The following KATNAL2 variants were observed in gnomAD, a reference collection of about 807,000 sequenced individuals.
KATNAL2 encodes the protein katanin p60 ATPase-containing subunit A-like 2.
KATNAL2 carries 52 observed loss-of-function variants against 76.3 expected under a neutral mutation model. The observed-to-expected ratio is 0.68, with a 90% confidence interval of 0.55 to 0.86. The LOEUF is 0.86. Among genes scored for constraint, KATNAL2 ranks in the 40% least tolerant of loss-of-function variants. The pLI is 0.00. For missense variants in KATNAL2, 660 were observed against 668.9 expected, an observed-to-expected ratio of 0.99 and a Z score of 0.15; for synonymous variants, 243 against 244.2, an observed-to-expected ratio of 1.00 and a Z score of 0.05.
intron 8 of KATNAL2, among the ~76,000 whole-genome samples, chr18:47,061,454 C>T (rs2061628565): frequency 6.6e-6 from 1 of 152,160 alleles, no homozygotes; most frequent in Non-Finnish European, 1.5e-5. Context: ...GGTGAGAGCA[C>T]CAAGCCTTTC....
In KATNAL2 at chr18:47,035,225, G is replaced by T; in HGVS notation, c.52-11232G>T. On this transcript the variant is annotated intron_variant, in intron 3 of 17. Coordinates refer to ENST00000683218, the MANE Select transcript of KATNAL2 (RefSeq NM_001387690.1). ...GTCTTAGTGGCCAGACGCACCTGCAGCTTCTCCACTGCGTGCAGCGTAGTG... is the reference window on the plus strand; with the variant it reads ...GTCTTAGTGGCCAGACGCACCTGCATCTTCTCCACTGCGTGCAGCGTAGTG... 1.9e-6 allele frequency: 3 copies of T among 1,612,786 alleles called. No individual in the cohort carries two copies. In the East Asian group the frequency reaches 6.7e-5, roughly 36 times the overall value.
At chr18:46,961,673 T>C (rs925771157) in intron 3 of KATNAL2, among the ~76,000 whole-genome samples, 5 of 152,232 alleles carry the variant, frequency 3.3e-5, no homozygotes, top group African/African-American at 1.2e-4. Flanking sequence ...CTGACCATAT[T>C]TTTGACCACC....
intron 1 of KATNAL2, among the ~76,000 whole-genome samples, chr18:46,937,816 T>C (rs778445792): frequency 3.3e-5 from 5 of 152,168 alleles, no homozygotes; most frequent in Non-Finnish European, 7.3e-5. Flanking sequence ...AAAAGAATAC[T>C]ATGTGGGCCA....
intron 5 of KATNAL2, 79 bp downstream of exon 5, chr18:47,053,125 G>A (rs1316113771): frequency 1.6e-6 from 2 of 1,230,898 alleles, no homozygotes; most frequent in Admixed American, 4.6e-5. Flanking sequence ...TTCCCAGATA[G>A]ATGGAGACCC....
chr18:47,072,600 C>A (rs1415058611), intron 13 of KATNAL2, among the ~76,000 whole-genome samples: 1 of 152,152 alleles, frequency 6.6e-6, no homozygotes, highest in African/African-American at 2.4e-5. Context: ...TGCACACCAC[C>A]AAGCCCAGCT....
At chr18:47,090,908 C>T (rs1240758635) in intron 15 of KATNAL2, among the ~76,000 whole-genome samples, 1 of 152,184 alleles carries the variant, frequency 6.6e-6, no homozygotes, top group Non-Finnish European at 1.5e-5. Context: ...TCCCTATTAT[C>T]AACCACAGAA....
chr18:46,952,449 G>T (rs563272702), intron 3 of KATNAL2, among the ~76,000 whole-genome samples: 13 of 142,690 alleles, frequency 9.1e-5, no homozygotes, highest in African/African-American at 2.9e-4. Flanking sequence ...ACCCAGGCTG[G>T]AGTGCAATGG....
chr18:47,102,084 C>T lies in KATNAL2; in HGVS notation c.*1079C>T, dbSNP rs751800646. 1 of 152,140 alleles carries T rather than the reference C, an allele frequency of 6.6e-6. No individual in the cohort carries two copies. Among genetic ancestry groups the T allele is most frequent in the Non-Finnish European group, 1.5e-5 (1 of 68,014 alleles). The allele number at this position is 152,140 out of a possible 1,614,324, so 9.4% of individuals were successfully genotyped here. ...AGACACTTTGGATAGCTAAGTATCC[C>T]AAAGGATTTTACCCTTTTAAACAAA... On this transcript the variant is annotated 3_prime_UTR_variant, in exon 18 of 18. Transcript: ENST00000683218.
At position 47,100,162 on chromosome 18, in the gene KATNAL2, C is replaced by T. The variant is rs563938159; in HGVS notation, c.1375-92C>T. 168 of 819,822 alleles carry T rather than the reference C, an allele frequency of 2.0e-4. 1 individual carries two copies. In the African/African-American group the frequency reaches 2.6e-3, roughly 12 times the overall value. The allele number at this position is 819,822 out of a possible 1,614,324, so 50.8% of individuals were successfully genotyped here. ...ATGGGTGACAGATACAGAATCTACA[C>T]AGGGCTTCTGATACTGGGTCCTGCC... On this transcript the variant is annotated intron_variant, in intron 16 of 17. Coordinates refer to ENST00000683218, the MANE Select transcript of KATNAL2 (RefSeq NM_001387690.1).
At chr18:47,068,688 G>A (rs72903249) in intron 11 of KATNAL2, among the ~76,000 whole-genome samples, 1,758 of 152,326 alleles carry the variant, frequency 0.012, 20 homozygotes, top group Non-Finnish European at 0.019. Context: ...ACTAATAGGA[G>A]AGACTTCCTG....
intron 15 of KATNAL2, chr18:47,091,241 G>C (rs1476726451): frequency 6.6e-6 from 1 of 152,290 alleles, no homozygotes; most frequent in Non-Finnish European, 1.5e-5. Flanking sequence ...AACCGTGGAA[G>C]TGGCCAGTGG....
At chr18:47,043,226 C>CAAAAAAAA (rs1195140135) in intron 3 of KATNAL2, among the ~76,000 whole-genome samples, 2 of 41,686 alleles carry the variant, frequency 4.8e-5, no homozygotes, top group Non-Finnish European at 8.9e-5. Flanking sequence ...GACTCCGTTT[C>CAAAAAAAA]AAAAAAAAAA....
chr18:47,034,185 G>C (rs756778995), intron 3 of KATNAL2: 4 of 1,614,118 alleles, frequency 2.5e-6, no homozygotes, highest in Non-Finnish European at 2.5e-6. Context: ...GGGAGCTCAC[G>C]GACGTTCTGT....
intron 15 of KATNAL2, chr18:47,084,559 C>A: frequency 1.7e-6 from 1 of 596,428 alleles, no homozygotes; most frequent in Non-Finnish European, 3.0e-6. Flanking sequence ...CTTTAAAATA[C>A]GACTGTGGGC....
At chr18:47,091,347 G>C (rs2062991195) in intron 15 of KATNAL2, 2 of 152,232 alleles carry the variant, frequency 1.3e-5, no homozygotes, top group Non-Finnish European at 2.9e-5. Flanking sequence ...CTGTACACCA[G>C]CAGCTCACAC....
chr18:46,930,466 G>A (rs767482545), intron 1 of KATNAL2, among the ~76,000 whole-genome samples: 7 of 152,080 alleles, frequency 4.6e-5, no homozygotes, highest in Non-Finnish European at 8.8e-5. Flanking sequence ...TACACTAGTA[G>A]GATGAAGATA....
chr18:47,031,431 G>T (rs1199286976), intron 3 of KATNAL2, among the ~76,000 whole-genome samples: 1 of 151,754 alleles, frequency 6.6e-6, no homozygotes, highest in African/African-American at 2.4e-5. Context: ...TTCTTTTTGT[G>T]TGTGTTGTGG....
Position 46,933,599 on chromosome 18 carries a change from A to G in KATNAL2, c.-509-12458A>G, listed in dbSNP as rs564649274. Among the ~76,000 whole-genome samples, 420 of 152,176 alleles carry G rather than the reference A, an allele frequency of 2.8e-3. 3 individuals are homozygous for G. Among genetic ancestry groups the G allele is most frequent in the African/African-American group, 9.4e-3 (391 of 41,548 alleles). On this transcript the variant is annotated intron_variant, in intron 1 of 17. Transcript: ENST00000683218. ...TAAACAAACAAAAATTATCTCCACAATAAGGTATCATCAGCCTAAATGTCA... is the reference window on the plus strand; with the variant it reads ...TAAACAAACAAAAATTATCTCCACAGTAAGGTATCATCAGCCTAAATGTCA...
At chr18:47,099,084 AAAT>A in intron 15 of KATNAL2, 156 bp from the exon 16 acceptor site, 1 of 595,572 alleles carries the variant, frequency 1.7e-6, no homozygotes, top group Non-Finnish European at 2.8e-6. Context: ...TTCTTTCTCC[AAAT>A]AATATTAATT....
Sources: allele counts gnomAD v4.1 joint callset (sites outside exome capture counted in the v4.1 genomes callset), GRCh38; gene constraint gnomAD v4.1.1; transcripts MANE v1.5; gene names NCBI Gene and HGNC (gene_info 2026-07-23, HGNC 2026-07-21).